SLC28A3: variants seen among roughly 807,000 people sequenced by gnomAD.
SLC28A3 encodes concentrative Na(+)-nucleoside cotransporter 3.
Under a neutral mutation model 84.2 loss-of-function variants are expected in SLC28A3, and 68 were observed. The ratio of observed to expected loss-of-function variants is 0.81; its 90% CI spans 0.66 to 0.99. SLC28A3 has a LOEUF of 0.99. Among genes scored for constraint, SLC28A3 ranks in the 50% least tolerant of loss-of-function variants. The probability of loss-of-function intolerance (pLI) is 0.00; values close to 1 mark genes in which losing one functional copy is unlikely to be tolerated. For missense variants in SLC28A3, 712 were observed against 841.5 expected, an observed-to-expected ratio of 0.85 and a Z score of 1.90; for synonymous variants, 267 against 303.6, an observed-to-expected ratio of 0.88 and a Z score of 1.25.
the SLC28A3 span, among the ~76,000 whole-genome samples, chr9:84,358,319 CA>C: frequency 6.6e-6 from 1 of 152,248 alleles, no homozygotes; most frequent in East Asian, 1.9e-4. Context: ...CAACTGCTTG[CA>C]AACAGCATGC....
intron 4 of SLC28A3, among the ~76,000 whole-genome samples, chr9:84,304,979 G>T (rs150585118): frequency 1.2e-4 from 19 of 152,108 alleles, no homozygotes; most frequent in Admixed American, 1.2e-3. Context: ...CTGAGATGGC[G>T]CCATTGCACT....
chr9:84,348,446 G>A, the SLC28A3 span, among the ~76,000 whole-genome samples: 2 of 151,924 alleles, frequency 1.3e-5, no homozygotes, highest in Non-Finnish European at 2.9e-5. Flanking sequence ...GCTTGGGCTA[G>A]TTACTAGTAA....
the SLC28A3 span, among the ~76,000 whole-genome samples, chr9:84,351,910 G>A: frequency 2.0e-5 from 3 of 151,006 alleles, no homozygotes; most frequent in African/African-American, 7.3e-5. Flanking sequence ...AAATGTATAT[G>A]AGTATGAGAG....
the SLC28A3 span, among the ~76,000 whole-genome samples, chr9:84,365,222 G>T: frequency 6.6e-6 from 1 of 152,164 alleles, no homozygotes; most frequent in South Asian, 2.1e-4. Flanking sequence ...TATAACTGGG[G>T]TGAGATGCTA....
the SLC28A3 span, among the ~76,000 whole-genome samples, chr9:84,351,542 C>T: frequency 6.6e-6 from 1 of 151,940 alleles, no homozygotes; most frequent in Non-Finnish European, 1.5e-5. Flanking sequence ...GCCTATAGTA[C>T]CAGCTACTCA....
At chr9:84,345,516 G>C (rs1250724924), upstream of SLC28A3, among the ~76,000 whole-genome samples, 1 of 152,134 alleles carries the variant, frequency 6.6e-6, no homozygotes, top group Non-Finnish European at 1.5e-5. Context: ...ACTGCTTTAG[G>C]AACTTTTAGA....
chr9:84,301,993 T>C (rs1429749859), intron 5 of SLC28A3, among the ~76,000 whole-genome samples: 4 of 152,208 alleles, frequency 2.6e-5, no homozygotes, highest in African/African-American at 9.7e-5. Context: ...GTGAGGACAT[T>C]TGGATACATT....
rs547485735 is a variant in SLC28A3 at position 84,308,903 on chromosome 9, G to A, written c.242+726C>T. Among the ~76,000 whole-genome samples, 10 of 152,340 alleles carry A rather than the reference G, an allele frequency of 6.6e-5. No homozygotes were observed. In the South Asian group the frequency reaches 2.1e-3, roughly 32 times the overall value. On this transcript the variant is annotated intron_variant, in intron 3 of 17. Coordinates refer to ENST00000376238, the MANE Select transcript of SLC28A3 (RefSeq NM_001199633.2). ...GAGTTGTAAGAACTTGGAATACTTT[G>A]AGGCTATTACAAGGTAAGAGAAACC...
At chr9:84,322,848 A>G (rs1826422530) in intron 1 of SLC28A3, among the ~76,000 whole-genome samples, 4 of 152,268 alleles carry the variant, frequency 2.6e-5, no homozygotes, top group South Asian at 4.1e-4. Flanking sequence ...GAAAAAAAAG[A>G]AAGAATGAAT....
At chr9:84,356,425 A>G in the SLC28A3 span, among the ~76,000 whole-genome samples, 1 of 152,238 alleles carries the variant, frequency 6.6e-6, no homozygotes, top group African/African-American at 2.4e-5. Flanking sequence ...CTGGGCAGGA[A>G]GGTATTGTTC....
chr9:84,337,885 A>C (rs949853063), intron 1 of SLC28A3, among the ~76,000 whole-genome samples: 1 of 152,256 alleles, frequency 6.6e-6, no homozygotes, highest in East Asian at 1.9e-4. Flanking sequence ...CCTTTCTTGG[A>C]GGTGAGATCA....
At chr9:84,316,234 A>G (rs962331804) in intron 1 of SLC28A3, among the ~76,000 whole-genome samples, 1 of 152,200 alleles carries the variant, frequency 6.6e-6, no homozygotes, top group Non-Finnish European at 1.5e-5. Flanking sequence ...AATAACTTCT[A>G]GAACACTGGA....
At chr9:84,305,171 C>T in intron 4 of SLC28A3, 83 bp downstream of exon 4, 1 of 1,148,928 alleles carries the variant, frequency 8.7e-7, no homozygotes, top group Non-Finnish European at 1.3e-6. Context: ...TAATCTTTTT[C>T]CACATAAAGT....
At chr9:84,316,995 C>T (rs140783743) in intron 1 of SLC28A3, among the ~76,000 whole-genome samples, 3,470 of 128,110 alleles carry the variant, frequency 0.027, 129 homozygotes, top group African/African-American at 0.12. Flanking sequence ...AGCAAGACTC[C>T]GTCTCAAAAC....
the SLC28A3 span, among the ~76,000 whole-genome samples, chr9:84,361,146 C>T: frequency 5.3e-5 from 8 of 151,962 alleles, no homozygotes; most frequent in African/African-American, 1.9e-4. Context: ...GAGATAGAGA[C>T]CATCCTGGCC....
chr9:84,279,302 T>C lies in SLC28A3; in HGVS notation c.1912A>G (p.Thr638Ala). 2 of 1,613,106 alleles carry C rather than the reference T, an allele frequency of 1.2e-6. No individual in the cohort carries two copies. Among genetic ancestry groups the C allele is most frequent in the Non-Finnish European group, 1.7e-6 (2 of 1,179,496 alleles). ...AFNSTFPGNT[T>A]KVIACCQSLL... ...CTTTGGCAACAAGCTATCACCTTGG[T>C]TGTGTTTCCAGGGAAAGTGGAGTTG... The change falls in exon 17 of 18, where the codon ACC (threonine) becomes GCC (alanine). Residue 638 changes from threonine to alanine, a missense_variant. Thr to Ala is a moderately conservative substitution (Grantham distance 58). Transcript: ENST00000376238.
chr9:84,368,392 T>G, the SLC28A3 span, among the ~76,000 whole-genome samples: 1 of 152,188 alleles, frequency 6.6e-6, no homozygotes, highest in Non-Finnish European at 1.5e-5. Flanking sequence ...GTCTTTCTTT[T>G]ACTACATAGA....
the SLC28A3 span, among the ~76,000 whole-genome samples, chr9:84,352,892 CAAAAA>C: frequency 1.4e-5 from 1 of 72,806 alleles, no homozygotes; most frequent in Non-Finnish European, 2.5e-5. Context: ...GATTCTGTCT[CAAAAA>C]AAAAAAAAAA....
In SLC28A3 at chr9:84,276,404, T is replaced by C; in HGVS notation, c.*1814A>G. On this transcript the variant is annotated 3_prime_UTR_variant, in exon 18 of 18. Coordinates refer to ENST00000376238, the MANE Select transcript of SLC28A3 (RefSeq NM_001199633.2). ...ATATGTCTATCAGACACTATTGCTA[T>C]AGAAAAAAAAGCACCAGCATGCAAA... The C allele has an allele frequency of 6.6e-6, 1 of 150,948 alleles. No individual in the cohort carries two copies. The highest frequency in any genetic ancestry group is 1.5e-5 in the Non-Finnish European group (1 of 67,874). The allele number at this position is 150,948 out of a possible 1,614,324, so 9.4% of individuals were successfully genotyped here.
Sources: allele counts gnomAD v4.1 joint callset (sites outside exome capture counted in the v4.1 genomes callset), GRCh38; gene constraint gnomAD v4.1.1; transcripts MANE v1.5; gene names NCBI Gene and HGNC (gene_info 2026-07-23, HGNC 2026-07-21).